Variants in MVK observed in about 807,000 individuals in gnomAD.
MVK encodes the protein LH receptor mRNA-binding protein.
In MVK, 34 loss-of-function variants were observed where a neutral mutation model predicts 43.2. The observed-to-expected ratio is 0.79, with a 90% CI of 0.60 to 1.05. The LOEUF (loss-of-function observed/expected upper bound fraction) is 1.05, where lower values mean the gene tolerates loss of function less well. Among genes scored for constraint, MVK ranks in the 50% least tolerant of loss-of-function variants. The pLI is 0.00. For synonymous variants in MVK, 190 were observed against 219.8 expected, an observed-to-expected ratio of 0.86 and a Z score of 1.20; for missense variants, 395 against 504.0, an observed-to-expected ratio of 0.78 and a Z score of 2.07.
At position 109,579,953 on chromosome 12, in the gene MVK, G is replaced by A. The variant is rs1566143935; in HGVS notation, c.371+7G>A. Reference sequence around the variant, plus strand: ...CCATCTGCCGGAAGCAGAGGTGTGTGCGTGGTCTGGGGAAGGAGTCCAGAT... The same window carrying A: ...CCATCTGCCGGAAGCAGAGGTGTGTACGTGGTCTGGGGAAGGAGTCCAGAT... On this transcript the variant is annotated splice_region_variant and intron_variant, in intron 4 of 10. Coordinates refer to ENST00000228510, the MANE Select transcript of MVK (RefSeq NM_000431.4). 6.2e-7 allele frequency: 1 copy of A among 1,613,224 alleles called. No homozygotes were observed. The highest frequency in any genetic ancestry group is 1.1e-5 in the South Asian group (1 of 91,046).
At chr12:109,586,697 G>A in intron 6 of MVK, 57 bp from the exon 7 acceptor site, 4 of 1,598,570 alleles carry the variant, frequency 2.5e-6, no homozygotes, top group Non-Finnish European at 3.4e-6. Flanking sequence ...TCTCTCCCAA[G>A]TAGCACAGAT....
intron 7 of MVK, chr12:109,588,972 T>G: frequency 6.6e-6 from 1 of 152,408 alleles, no homozygotes; most frequent in South Asian, 2.1e-4. Flanking sequence ...GAAACCTGAA[T>G]AAGTCACGCC....
intron 3 of MVK, among the ~76,000 whole-genome samples, chr12:109,578,264 C>CTT (rs60053584): frequency 1.2e-4 from 18 of 145,292 alleles, no homozygotes; most frequent in East Asian, 2.0e-4. Context: ...AAACATTGAA[C>CTT]TTTTTTTTTT....
At chr12:109,576,870 CAAA>C (rs59269664) in intron 3 of MVK, among the ~76,000 whole-genome samples, 9 of 102,862 alleles carry the variant, frequency 8.7e-5, no homozygotes, top group Admixed American at 2.1e-4. Flanking sequence ...GACTCCATCT[CAAA>C]AAAAAAAAAA....
chr12:109,585,693 C>T (rs1057336490), intron 5 of MVK, among the ~76,000 whole-genome samples: 5 of 151,798 alleles, frequency 3.3e-5, no homozygotes, highest in African/African-American at 7.3e-5. Context: ...TGCTTGAACC[C>T]GGGAGAAAGT....
chr12:109,588,759 G>A (rs1885550397), intron 7 of MVK: 1 of 152,252 alleles, frequency 6.6e-6, no homozygotes, highest in African/African-American at 2.4e-5. Flanking sequence ...TGAGTACTGG[G>A]GCCTCCGCAG....
intron 4 of MVK, 127 bp from the exon 5 acceptor site, chr12:109,581,268 G>A: frequency 8.1e-7 from 1 of 1,228,494 alleles, no homozygotes; most frequent in Non-Finnish European, 1.2e-6. Flanking sequence ...TTGGGGTCAG[G>A]AATTCTCCCC....
chr12:109,591,374 A>T lies in MVK; in HGVS notation c.885+17A>T. On this transcript the variant is annotated intron_variant, in intron 9 of 10. Coordinates refer to ENST00000228510, the MANE Select transcript of MVK (RefSeq NM_000431.4). The stretch of plus-strand genomic sequence containing the variant: ...GTGCTGGAAGTAAGAGCCTGTCTGC[A>T]GGAACCGGGGTTACTGAGTCCACAC... 6.2e-7 allele frequency: 1 copy of T among 1,610,212 alleles called. No homozygotes were observed. The highest frequency in any genetic ancestry group is 8.5e-7 in the Non-Finnish European group (1 of 1,176,782).
At chr12:109,596,284 CT>C in intron 10 of MVK, 141 bp from the exon 11 acceptor site, 1 of 1,238,452 alleles carries the variant, frequency 8.1e-7, no homozygotes, top group South Asian at 1.3e-5. Flanking sequence ...TGCAGGTAAC[CT>C]TGGGCTTTAT....
In MVK at chr12:109,597,451, C is replaced by T. The variant is rs1885969929; in HGVS notation, c.*874C>T. On this transcript the variant is annotated 3_prime_UTR_variant, in exon 11 of 11. Transcript: ENST00000228510. ...GACTGGGACACGGCTCTCAGTCCAT[C>T]AGCACAACTCTAGGCTGCTGCTGCG... 1 of 152,338 alleles carries T rather than the reference C, an allele frequency of 6.6e-6. No homozygotes were observed. 9.4% of individuals were successfully genotyped at this position (152,338 alleles called of 1,614,324 possible). A position where few individuals can be genotyped will look rare whatever the true frequency, so the allele number is the denominator to read the frequency against.
chr12:109,585,229 T>C (rs996088945), intron 5 of MVK, among the ~76,000 whole-genome samples: 1 of 152,186 alleles, frequency 6.6e-6, no homozygotes, highest in African/African-American at 2.4e-5. Flanking sequence ...TTCATAATGA[T>C]CGTGCTTTGG....
Position 109,590,566 on chromosome 12 carries a change from G to A in MVK, c.678-205G>A, listed in dbSNP as rs1885621046. ...TGAATAAATGAGTGAAAAGCCAAGG[G>A]AGAATGGCCACCCAACCAGTGCCTG... On this transcript the variant is annotated intron_variant, in intron 7 of 10. Transcript: ENST00000228510. The A allele has an allele frequency of 1.4e-5, 9 of 631,016 alleles. No homozygotes were observed. In the South Asian group the frequency reaches 1.6e-4, roughly 11 times the overall value. 39.1% of individuals were successfully genotyped at this position (631,016 alleles called of 1,614,324 possible). A position where few individuals can be genotyped will look rare whatever the true frequency, so the allele number is the denominator to read the frequency against.
chr12:109,575,921 C>A, intron 2 of MVK, 77 bp from the exon 3 acceptor site: 1 of 1,563,242 alleles, frequency 6.4e-7, no homozygotes, highest in Non-Finnish European at 8.8e-7. Flanking sequence ...CTTATGTTTG[C>A]TCTCTTCTTA....
intron 7 of MVK, chr12:109,590,405 T>C (rs1593026464): frequency 2.8e-6 from 1 of 358,958 alleles, no homozygotes; most frequent in South Asian, 2.3e-5. Context: ...CTTGGTGGCT[T>C]CTTACCCTTC....
rs72648042 is a variant in MVK at position 109,595,066 on chromosome 12, C to T, written c.924C>T (p.Leu308=). ...TGAACCAGCACCATCTGAATGCCCT[C>T]GGCGTGGGCCACGCCTCTCTGGACC... The part of the protein sequence containing the change: ...IDMNQHHLNA[L]GVGHASLDQL... The change falls in exon 10 of 11, where the codon CTC becomes CTT. Residue 308 remains leucine, a synonymous_variant. Coordinates refer to ENST00000228510, the MANE Select transcript of MVK (RefSeq NM_000431.4). This position sits in a 1 kb window ranked among gnomAD's most constrained non-coding sequence, Gnocchi z 5.9. The T allele has an allele frequency of 1.7e-3, 2,771 of 1,614,206 alleles. 6 individuals carry two copies. Among genetic ancestry groups the T allele is most frequent in the Non-Finnish European group, 2.1e-3 (2,442 of 1,180,032 alleles).
rs1884783181 is a variant in MVK, at chr12:109,573,841, G to GGGCGGCGGCCGGGGAGGC, written c.-37_-20dup. 1 of 221,462 alleles carries GGGCGGCGGCCGGGGAGGC rather than the reference G, an allele frequency of 4.5e-6. No homozygotes were observed. Among genetic ancestry groups the GGGCGGCGGCCGGGGAGGC allele is most frequent in the Admixed American group, 6.0e-5 (1 of 16,708 alleles). 13.7% of individuals were successfully genotyped at this position (221,462 alleles called of 1,614,324 possible). On this transcript the variant is annotated 5_prime_UTR_variant, in exon 1 of 11. Coordinates refer to ENST00000228510, the MANE Select transcript of MVK (RefSeq NM_000431.4). ...GAGCTGCTCCGGCTTCGGCGCGGAG[G>GGGCGGCGGCCGGGGAGGC]GGCGGCGGCCGGGGAGGCGGCGGCG...
intron 7 of MVK, chr12:109,588,094 G>A (rs1176244388): frequency 6.6e-6 from 1 of 152,358 alleles, no homozygotes; most frequent in African/African-American, 2.4e-5. Flanking sequence ...GTGCCGAGGT[G>A]AAGCTGGTCT....
chr12:109,590,457 G>A (rs1204538879), intron 7 of MVK: 3 of 420,314 alleles, frequency 7.1e-6, no homozygotes, highest in Admixed American at 7.1e-5. Context: ...AAACCTTCTC[G>A]GCCCTTCTCC....
intron 7 of MVK, chr12:109,590,519 G>A (rs1885619255): frequency 1.8e-6 from 1 of 552,074 alleles, no homozygotes; most frequent in Non-Finnish European, 3.3e-6. Flanking sequence ...CTAGCATGTT[G>A]TAGGTCCCAG....
Sources: allele counts gnomAD v4.1 joint callset (sites outside exome capture counted in the v4.1 genomes callset), GRCh38; gene constraint gnomAD v4.1.1; non-coding constraint Gnocchi (gnomAD v3.1); transcripts MANE v1.5; gene names NCBI Gene and HGNC (gene_info 2026-07-23, HGNC 2026-07-21).